Variants in TMTC2 observed in about 807,000 individuals in gnomAD.
The protein encoded by TMTC2 is transmembrane O-mannosyltransferase targeting cadherins 2.
In TMTC2, 43 loss-of-function variants were observed where a neutral mutation model predicts 82.4. The observed-to-expected ratio is 0.52, with a 90% CI of 0.41 to 0.67. TMTC2 has a LOEUF of 0.67. Ranked by LOEUF, TMTC2 falls within the 30% of genes least tolerant of loss-of-function variation. The pLI is 0.00. For missense variants in TMTC2, 919 were observed against 1,012.4 expected (o/e 0.91, Z 1.25); for synonymous variants, 408 against 381.9 (o/e 1.07, Z -0.80).
chr12:83,106,577 T>C (rs1884408059), intron 11 of TMTC2, among the ~76,000 whole-genome samples: 1 of 149,756 alleles, frequency 6.7e-6, no homozygotes, highest in Admixed American at 6.6e-5. Context: ...CATAGAAATA[T>C]CTTGGCCTAC....
chr12:82,883,088 A>G (rs1168872411), intron 2 of TMTC2, among the ~76,000 whole-genome samples: 1 of 150,000 alleles, frequency 6.7e-6, no homozygotes, highest in Non-Finnish European at 1.5e-5. Context: ...AAAAACCAAA[A>G]CCTTATAGTC....
chr12:82,892,918 T>C (rs1434863376), intron 2 of TMTC2, among the ~76,000 whole-genome samples: 2 of 152,240 alleles, frequency 1.3e-5, no homozygotes, highest in Admixed American at 1.3e-4. Flanking sequence ...GATCATGTTA[T>C]TACAAGCTCT....
intron 4 of TMTC2, among the ~76,000 whole-genome samples, chr12:82,944,467 C>T (rs1162759194): frequency 6.6e-6 from 1 of 151,350 alleles, no homozygotes; most frequent in Non-Finnish European, 1.5e-5. Context: ...ACCAGTAGTC[C>T]CAGCGACTCC....
At chr12:82,857,740 C>T (rs1012414268) in intron 2 of TMTC2, among the ~76,000 whole-genome samples, 160 bp downstream of exon 2, 1 of 152,118 alleles carries the variant, frequency 6.6e-6, no homozygotes, top group Non-Finnish European at 1.5e-5. Flanking sequence ...GACCTTTGTA[C>T]TAAGCAGGGT....
chr12:82,819,220 T>C (rs1253284240), intron 1 of TMTC2, among the ~76,000 whole-genome samples: 10 of 152,118 alleles, frequency 6.6e-5, no homozygotes, highest in Admixed American at 6.5e-4. Flanking sequence ...ACACAATTTC[T>C]GTCATTCTTG....
rs150202850 is a variant in TMTC2 at position 83,001,366 on chromosome 12, G to A, written c.2070+15320G>A. Reference sequence around the variant, plus strand: ...TGTCTTCCACCTTAGGGCCCAGCACGGTGGGTAATGCCTGTAATCGTAGCA... The same window carrying A: ...TGTCTTCCACCTTAGGGCCCAGCACAGTGGGTAATGCCTGTAATCGTAGCA... On this transcript the variant is annotated intron_variant, in intron 8 of 11. Coordinates refer to ENST00000321196, the MANE Select transcript of TMTC2 (RefSeq NM_152588.3). Among the ~76,000 whole-genome samples, 352 of 152,194 alleles carry A rather than the reference G, an allele frequency of 2.3e-3. 1 individual carries two copies. The highest frequency in any genetic ancestry group is 7.6e-3 in the African/African-American group (314 of 41,528).
chr12:82,885,497 G>A (rs1351019084), intron 2 of TMTC2, among the ~76,000 whole-genome samples: 1 of 151,534 alleles, frequency 6.6e-6, no homozygotes, highest in Admixed American at 6.6e-5. Flanking sequence ...AGCCTCCTGA[G>A]TAGCTGGGAA....
At chr12:82,905,813 C>T (rs1371495370) in intron 3 of TMTC2, among the ~76,000 whole-genome samples, 2 of 152,002 alleles carry the variant, frequency 1.3e-5, no homozygotes, top group South Asian at 4.2e-4. Context: ...GGCATGGTGG[C>T]GGGCGCCTGT....
intron 7 of TMTC2, among the ~76,000 whole-genome samples, chr12:82,982,646 T>G (rs1461954529): frequency 6.6e-6 from 1 of 151,956 alleles, no homozygotes; most frequent in Non-Finnish European, 1.5e-5. Flanking sequence ...CTCTTCCTTA[T>G]TCTCTTAATT....
chr12:82,695,666 C>CT (rs1187795052), intron 1 of TMTC2, among the ~76,000 whole-genome samples: 1 of 152,182 alleles, frequency 6.6e-6, no homozygotes, highest in Non-Finnish European at 1.5e-5. Context: ...CCAGAGGGAA[C>CT]TCAAGGACTT....
At chr12:83,036,862 C>T (rs1215785735) in intron 9 of TMTC2, among the ~76,000 whole-genome samples, 3 of 151,966 alleles carry the variant, frequency 2.0e-5, no homozygotes, top group Non-Finnish European at 4.4e-5. Context: ...GGAAGAAGGT[C>T]AAAGGGGAAC....
At chr12:82,879,407 TA>T (rs1872721635) in intron 2 of TMTC2, among the ~76,000 whole-genome samples, 1 of 152,240 alleles carries the variant, frequency 6.6e-6, no homozygotes, top group Non-Finnish European at 1.5e-5. Context: ...GCACACAACC[TA>T]GATCCCTCGC....
At chr12:82,973,237 T>G (rs1878524484) in intron 7 of TMTC2, among the ~76,000 whole-genome samples, 1 of 152,184 alleles carries the variant, frequency 6.6e-6, no homozygotes. Context: ...CGAATATGAA[T>G]ATGACCATAT....
chr12:83,102,421 A>G (rs1213078319), intron 11 of TMTC2, among the ~76,000 whole-genome samples: 1 of 152,258 alleles, frequency 6.6e-6, no homozygotes, highest in East Asian at 1.9e-4. Flanking sequence ...GGATGAAATT[A>G]GACTTTATCT....
intron 1 of TMTC2, among the ~76,000 whole-genome samples, chr12:82,747,839 GT>G (rs1333178336): frequency 7.9e-5 from 12 of 152,286 alleles, no homozygotes; most frequent in African/African-American, 2.9e-4. Context: ...CTTGTAGATA[GT>G]TCTAATATGA....
At chr12:83,021,888 C>T (rs570698819) in intron 8 of TMTC2, 2 of 152,136 alleles carry the variant, frequency 1.3e-5, no homozygotes, top group East Asian at 3.9e-4. Context: ...AAAGACACTC[C>T]AGGGCTCAAT....
At chr12:82,802,797 T>C (rs1879074297) in intron 1 of TMTC2, among the ~76,000 whole-genome samples, 1 of 152,048 alleles carries the variant, frequency 6.6e-6, no homozygotes, top group Non-Finnish European at 1.5e-5. Context: ...GTTTAGACTT[T>C]GTGGTAGAAA....
At chr12:82,987,241 C>T (rs1230012471) in intron 8 of TMTC2, among the ~76,000 whole-genome samples, 3 of 151,552 alleles carry the variant, frequency 2.0e-5, no homozygotes, top group East Asian at 1.9e-4. Flanking sequence ...CTGGCCAACA[C>T]GGCGAAACTC....
At chr12:82,994,183 G>A (rs1251424687) in intron 8 of TMTC2, among the ~76,000 whole-genome samples, 1 of 152,034 alleles carries the variant, frequency 6.6e-6, no homozygotes, top group African/African-American at 2.4e-5. Context: ...TGAGACAGGG[G>A]TCTCGCTGTA....
Sources: allele counts gnomAD v4.1 joint callset (sites outside exome capture counted in the v4.1 genomes callset), GRCh38; gene constraint gnomAD v4.1.1; transcripts MANE v1.5; gene names NCBI Gene and HGNC (gene_info 2026-07-23, HGNC 2026-07-21).